The following POLR3A variants were observed in gnomAD, a reference collection of about 807,000 sequenced individuals.
POLR3A encodes RNA polymerase III subunit A, also known as DNA-directed RNA polymerase III subunit RPC1.
A neutral mutation model predicts 152.8 loss-of-function variants in POLR3A; 112 were observed. The observed-to-expected ratio is 0.73, with a 90% confidence interval of 0.63 to 0.86. POLR3A has a LOEUF of 0.86. Ranked by LOEUF, POLR3A falls within the 40% of genes least tolerant of loss-of-function variation. The probability of loss-of-function intolerance (pLI) is 0.00; values close to 1 mark genes in which losing one functional copy is unlikely to be tolerated. For missense variants in POLR3A, 1,385 were observed against 1,743.1 expected, an observed-to-expected ratio of 0.79 and a Z score of 3.66; for synonymous variants, 615 against 652.1, an observed-to-expected ratio of 0.94 and a Z score of 0.87.
intron 16 of POLR3A, among the ~76,000 whole-genome samples, chr10:78,003,400 G>C (rs1404756471): frequency 6.6e-6 from 1 of 152,204 alleles, no homozygotes; most frequent in African/African-American, 2.4e-5. Context: ...TCAGTGCCAC[G>C]GGTTTATCGG....
intron 8 of POLR3A, 112 bp from the exon 9 acceptor site, chr10:78,019,377 G>T: frequency 1.2e-6 from 1 of 822,780 alleles, no homozygotes; most frequent in Non-Finnish European, 2.1e-6. Context: ...AGGAGAAAGA[G>T]AGGCATCCTG....
intron 19 of POLR3A, among the ~76,000 whole-genome samples, chr10:77,997,730 C>T (rs1385846288): frequency 6.6e-6 from 1 of 151,876 alleles, no homozygotes; most frequent in African/African-American, 2.4e-5. Context: ...CCATACTGCC[C>T]AAGGTAATTT....
rs370384202 is a variant in POLR3A at position 78,009,824 on chromosome 10, T to A, written c.1770+40A>T. On this transcript the variant is annotated intron_variant, in intron 13 of 30. Transcript: ENST00000372371. ...TCACCAGTCTACCCCCACAGACACA[T>A]ACACACACCTGTGCACCAACACACA... 32 of 1,611,712 alleles carry A rather than the reference T, an allele frequency of 2.0e-5. No individual in the cohort carries two copies. The African/African-American group carries it at 4.1e-4, about 21-fold the overall frequency.
At chr10:78,024,493 T>C in intron 5 of POLR3A, 56 bp downstream of exon 5, 1 of 1,588,528 alleles carries the variant, frequency 6.3e-7, no homozygotes, top group Non-Finnish European at 8.6e-7. Flanking sequence ...GCATGTGACG[T>C]GCGGAAGAGG....
intron 5 of POLR3A, among the ~76,000 whole-genome samples, chr10:78,024,277 T>C (rs1005006556): frequency 6.7e-6 from 1 of 150,308 alleles, no homozygotes. Flanking sequence ...AGCAGAAGAA[T>C]CGTTTTAACC....
intron 14 of POLR3A, among the ~76,000 whole-genome samples, chr10:78,008,594 T>C (rs1192870142): frequency 6.6e-6 from 1 of 152,176 alleles, no homozygotes; most frequent in African/African-American, 2.4e-5. Flanking sequence ...TTGGTAGTGG[T>C]CTGGGTGAGT....
chr10:78,025,737 G>A lies in POLR3A; in HGVS notation c.203C>T (p.Pro68Leu). ...HRMGTSEKDR[P>L]CETCGKNLAD... ...CAAGTTTTTCCCACAGGTTTCACAT[G>A]GACGATCCTTCTCACTCGTACCCTT... Residue 68 changes from proline to leucine, a missense_variant, in exon 3 of 31, where the codon CCA becomes CTA. By Grantham distance (98) the Pro-to-Leu change is moderately conservative. Transcript: ENST00000372371. 6.2e-7 allele frequency: 1 copy of A among 1,613,990 alleles called. No individual in the cohort carries two copies. The highest frequency in any genetic ancestry group is 2.2e-5 in the East Asian group (1 of 44,884).
rs538916441 is a variant in POLR3A, at chr10:78,002,424, C to T, written c.2248-116G>A. On this transcript the variant is annotated intron_variant, in intron 16 of 30. Transcript: ENST00000372371. Reference sequence around the variant, plus strand: ...ATACTGAGGCAAGATGCCCGATTTCCGATCAGTAAATGTTTCAGAACCTTA... The same window carrying T: ...ATACTGAGGCAAGATGCCCGATTTCTGATCAGTAAATGTTTCAGAACCTTA... The T allele has an allele frequency of 1.6e-4, 119 of 761,892 alleles. 1 individual carries two copies. The highest frequency in any genetic ancestry group is 1.5e-3 in the African/African-American group (89 of 58,240). 47.2% of individuals were successfully genotyped at this position (761,892 alleles called of 1,614,324 possible).
Position 78,004,906 on chromosome 10 carries a change from C to G in POLR3A, c.2075-18G>C, listed in dbSNP as rs1303338359. ...ACGGTTAGCTGTTGAGTTGGTAGAG[C>G]AGGAAGAAAGGGCCATAAATGAGAC... On this transcript the variant is annotated intron_variant, in intron 15 of 30. Coordinates refer to ENST00000372371, the MANE Select transcript of POLR3A (RefSeq NM_007055.4). The G allele has an allele frequency of 1.2e-6, 2 of 1,612,748 alleles. No individual in the cohort carries two copies. Among genetic ancestry groups the G allele is most frequent in the Non-Finnish European group, 1.7e-6 (2 of 1,178,848 alleles).
intron 21 of POLR3A, among the ~76,000 whole-genome samples, chr10:77,990,629 T>G (rs571668218): frequency 8.6e-5 from 13 of 151,688 alleles, no homozygotes; most frequent in South Asian, 8.4e-4. Context: ...TTTTTTTTTT[T>G]TTTTTGAGAT....
At chr10:78,021,398 A>C (rs1847577945) in intron 8 of POLR3A, 148 bp downstream of exon 8, 1 of 746,472 alleles carries the variant, frequency 1.3e-6, no homozygotes, top group Non-Finnish European at 2.3e-6. Context: ...TATAAAGCAA[A>C]CTGGGAAGAC....
chr10:77,991,009 C>A (rs373386277), intron 21 of POLR3A, 45 bp downstream of exon 21: 9 of 1,103,478 alleles, frequency 8.2e-6, no homozygotes, highest in Non-Finnish European at 1.3e-5. Context: ...GAGTTCTTTA[C>A]GACAGCCAGG....
At chr10:78,008,191 G>C (rs1847429512) in intron 14 of POLR3A, among the ~76,000 whole-genome samples, 1 of 152,148 alleles carries the variant, frequency 6.6e-6, no homozygotes, top group African/African-American at 2.4e-5. Context: ...TTGAGCATCA[G>C]ATGAAATAAC....
At position 78,022,782 on chromosome 10, in the gene POLR3A, T is replaced by C. The variant is rs1486981803; in HGVS notation, c.646-398A>G. 3.9e-5 allele frequency among the ~76,000 whole-genome samples: 6 copies of C among 152,076 alleles called. 1 individual carries two copies. The highest frequency in any genetic ancestry group is 4.4e-5 in the Non-Finnish European group (3 of 68,012). On this transcript the variant is annotated intron_variant, in intron 5 of 30. Transcript: ENST00000372371. ...TAAATAAAATCACGGTATATCCCTA[T>C]GTGGAAAAGCAGCAAGCCATTGGGG...
chr10:78,010,033 A>G (rs1564620265), intron 12 of POLR3A, 42 bp from the exon 13 acceptor site: 2 of 1,610,704 alleles, frequency 1.2e-6, no homozygotes, highest in Non-Finnish European at 1.7e-6. Flanking sequence ...AAAGGAATGA[A>G]ATTGTGAGAA....
At chr10:77,994,919 G>A (rs935162806) in intron 19 of POLR3A, among the ~76,000 whole-genome samples, 14 of 151,032 alleles carry the variant, frequency 9.3e-5, no homozygotes, top group South Asian at 8.4e-4. Context: ...GAGAAAGGTC[G>A]GGTTACCCAC....
intron 16 of POLR3A, among the ~76,000 whole-genome samples, chr10:78,003,702 C>G (rs1384123180): frequency 6.6e-6 from 1 of 151,984 alleles, no homozygotes; most frequent in Non-Finnish European, 1.5e-5. Flanking sequence ...GTGGGTGGAT[C>G]ACCTGAGGTC....
chr10:77,995,388 C>T (rs1327027557), intron 19 of POLR3A, among the ~76,000 whole-genome samples: 2 of 152,048 alleles, frequency 1.3e-5, no homozygotes, highest in African/African-American at 4.8e-5. Context: ...GAGTCAAGAC[C>T]CATCAGTGTG....
In POLR3A at chr10:77,982,698, G is replaced by A. The variant is rs771665458; in HGVS notation, c.3549C>T (p.Ser1183=). ...VCVTPRENSK[S]SMYYVLQFLK... ...GGAACTGCAGCACGTAGTACATGGA[G>A]CTCTTGCTGTTCTCTCTGGGGGTGA... is the stretch of plus-strand genomic sequence containing the variant. Residue 1183 remains serine (S), a synonymous_variant, in exon 27 of 31, where the codon AGC becomes AGT. Coordinates refer to ENST00000372371, the MANE Select transcript of POLR3A (RefSeq NM_007055.4). The A allele has an allele frequency of 6.8e-6, 11 of 1,613,848 alleles. No individual in the cohort carries two copies. The East Asian group carries it at 2.5e-4, about 36-fold the overall frequency.
Sources: allele counts gnomAD v4.1 joint callset (sites outside exome capture counted in the v4.1 genomes callset), GRCh38; gene constraint gnomAD v4.1.1; transcripts MANE v1.5; gene names NCBI Gene and HGNC (gene_info 2026-07-23, HGNC 2026-07-21).